The following SATB2 variants were observed in gnomAD, a reference collection of about 807,000 sequenced individuals.
SATB2 encodes DNA-binding protein SATB2.
In SATB2, 1 loss-of-function variant was observed where a neutral mutation model predicts 73.4. The observed-to-expected ratio is 0.01, with a 90% CI of 0.00 to 0.06. The LOEUF (loss-of-function observed/expected upper bound fraction) is 0.06. SATB2 is among the 10% of genes least tolerant of loss of function. The pLI is 1.00. For synonymous variants in SATB2, 397 were observed against 367.0 expected, an observed-to-expected ratio of 1.08 and a Z score of -0.93; for missense variants, 459 against 945.8, an observed-to-expected ratio of 0.49 and a Z score of 6.75.
upstream of SATB2, among the ~76,000 whole-genome samples, chr2:199,461,517 A>G (rs999977859): frequency 6.6e-6 from 1 of 152,196 alleles, no homozygotes; most frequent in African/African-American, 2.4e-5. Context: ...ATTACGTTTG[A>G]TTTTTAAAAA....
intron 8 of SATB2, among the ~76,000 whole-genome samples, chr2:199,328,077 C>T (rs1562317): frequency 0.92 from 139,281 of 152,148 alleles, 64,989 homozygotes; most frequent in East Asian, 1. Flanking sequence ...CCTAACTGAG[C>T]AGCTATGTAT....
At chr2:199,443,534 T>C (rs945675915) in intron 2 of SATB2, among the ~76,000 whole-genome samples, 1 of 80,352 alleles carries the variant, frequency 1.2e-5, no homozygotes, top group Non-Finnish European at 2.7e-5. Flanking sequence ...AAAGTAAAGT[T>C]ATAGCAAAAA....
At chr2:199,344,980 T>C (rs1688608174) in intron 7 of SATB2, among the ~76,000 whole-genome samples, 1 of 152,130 alleles carries the variant, frequency 6.6e-6, no homozygotes, top group Admixed American at 6.5e-5. Flanking sequence ...CTCTCTCTCT[T>C]AACTTCTCAG....
intron 10 of SATB2, among the ~76,000 whole-genome samples, chr2:199,305,890 C>G (rs1337055044): frequency 6.6e-6 from 1 of 152,104 alleles, no homozygotes; most frequent in South Asian, 2.1e-4. Context: ...AGAGGACTTA[C>G]GTGTTTTTTA....
At chr2:199,406,526 C>G (rs1690633580) in intron 3 of SATB2, among the ~76,000 whole-genome samples, 1 of 152,120 alleles carries the variant, frequency 6.6e-6, no homozygotes, top group Non-Finnish European at 1.5e-5. Flanking sequence ...TCAACAGAGC[C>G]TTCTAAGAGC....
At chr2:199,426,475 G>A (rs939315992) in intron 3 of SATB2, among the ~76,000 whole-genome samples, 1 of 151,788 alleles carries the variant, frequency 6.6e-6, no homozygotes, top group Non-Finnish European at 1.5e-5. Flanking sequence ...TTTTAGTAGA[G>A]ACGGGGTTTG....
At chr2:199,313,686 G>C (rs1400076648) in intron 9 of SATB2, among the ~76,000 whole-genome samples, 1 of 152,108 alleles carries the variant, frequency 6.6e-6, no homozygotes, top group African/African-American at 2.4e-5. Context: ...AAATGTATTA[G>C]ACATGCTTAC....
At chr2:199,285,536 A>G (rs529893711) in intron 10 of SATB2, among the ~76,000 whole-genome samples, 1 of 152,198 alleles carries the variant, frequency 6.6e-6, no homozygotes, top group African/African-American at 2.4e-5. Flanking sequence ...TTGTTGCTTT[A>G]TTTGGATTAC....
intron 3 of SATB2, among the ~76,000 whole-genome samples, chr2:199,386,759 CACACACA>C (rs1689974827): frequency 8.6e-6 from 1 of 116,546 alleles, no homozygotes; most frequent in African/African-American, 2.9e-5. Flanking sequence ...CACACACACA[CACACACA>C]CCTTTGAGTT....
intron 6 of SATB2, among the ~76,000 whole-genome samples, chr2:199,363,068 C>G (rs897174952): frequency 1.1e-4 from 17 of 152,168 alleles, no homozygotes; most frequent in African/African-American, 3.4e-4. Flanking sequence ...AAAGCAGTTA[C>G]AGTACAGCTG....
upstream of SATB2, among the ~76,000 whole-genome samples, chr2:199,465,832 C>T (rs984513854): frequency 3.9e-5 from 6 of 152,032 alleles, no homozygotes; most frequent in African/African-American, 9.7e-5. Flanking sequence ...GTTAGCCTAA[C>T]GAAATGAAGA....
chr2:199,296,901 A>G (rs1307366010), intron 10 of SATB2, among the ~76,000 whole-genome samples: 1 of 152,194 alleles, frequency 6.6e-6, no homozygotes, highest in African/African-American at 2.4e-5. Flanking sequence ...TCTTTATAAG[A>G]TGCTCTGGCC....
At chr2:199,396,932 C>T (rs1690319215) in intron 3 of SATB2, 2 of 152,104 alleles carry the variant, frequency 1.3e-5, no homozygotes, top group South Asian at 4.1e-4. Context: ...ACAGAAGATG[C>T]TAGTGCATAC....
intron 10 of SATB2, among the ~76,000 whole-genome samples, chr2:199,280,293 G>A (rs569887380): frequency 6.7e-4 from 102 of 152,198 alleles, no homozygotes; most frequent in Non-Finnish European, 1.0e-3. Context: ...ATCTTCGTAA[G>A]CTGAGGAGGA....
Position 199,388,740 on chromosome 2 carries a change from GA to G in SATB2, c.347-6921del, listed in dbSNP as rs1262653678. Reference sequence around the variant, plus strand: ...GGTTTGTATATCTCATAACTCCCTGGAAAAGATCTCCACAAAAGAGTGTCAA... The same window carrying G: ...GGTTTGTATATCTCATAACTCCCTGGAAAGATCTCCACAAAAGAGTGTCAA... On this transcript the variant is annotated intron_variant, in intron 3 of 10. Coordinates refer to ENST00000417098, the MANE Select transcript of SATB2 (RefSeq NM_001172509.2). Among the ~76,000 whole-genome samples the G allele has an allele frequency of 4.6e-5, 7 of 151,638 alleles. No individual in the cohort carries two copies. The South Asian group carries it at 1.3e-3, about 27-fold the overall frequency.
At chr2:199,294,222 A>G (rs1273450517) in intron 10 of SATB2, among the ~76,000 whole-genome samples, 1 of 152,194 alleles carries the variant, frequency 6.6e-6, no homozygotes, top group Non-Finnish European at 1.5e-5. Flanking sequence ...CATATGGTAT[A>G]AAGTACTACT....
intron 3 of SATB2, among the ~76,000 whole-genome samples, chr2:199,427,410 T>TAAA (rs1002812065): frequency 6.7e-6 from 1 of 148,606 alleles, no homozygotes; most frequent in African/African-American, 2.5e-5. Context: ...AAGGCAACAC[T>TAAA]AAAAAAAAAA....
chr2:199,437,731 T>G (rs1574629394), intron 2 of SATB2, among the ~76,000 whole-genome samples: 1 of 152,220 alleles, frequency 6.6e-6, no homozygotes, highest in African/African-American at 2.4e-5. Flanking sequence ...GACAGATAGC[T>G]CTCAAACAAT....
chr2:199,352,208 C>T (rs1172714375), intron 6 of SATB2, among the ~76,000 whole-genome samples: 1 of 152,160 alleles, frequency 6.6e-6, no homozygotes, highest in East Asian at 1.9e-4. Flanking sequence ...AACATAGAAC[C>T]ATCCTCCTAT....
Sources: allele counts gnomAD v4.1 joint callset (sites outside exome capture counted in the v4.1 genomes callset), GRCh38; gene constraint gnomAD v4.1.1; transcripts MANE v1.5; gene names NCBI Gene and HGNC (gene_info 2026-07-23, HGNC 2026-07-21).